LIG1: variants seen among roughly 807,000 people sequenced by gnomAD.
LIG1 encodes the protein ligase I, DNA, ATP-dependent.
LIG1 carries 70 observed loss-of-function variants against 115.7 expected under a neutral mutation model. The observed-to-expected ratio is 0.60, with a 90% CI of 0.50 to 0.74. The LOEUF (loss-of-function observed/expected upper bound fraction) is 0.74. Among genes scored for constraint, LIG1 ranks in the 30% least tolerant of loss-of-function variants. The pLI is 0.00. For synonymous variants in LIG1, 487 were observed against 495.3 expected (o/e 0.98, Z 0.22); for missense variants, 1,115 against 1,225.6 (o/e 0.91, Z 1.35).
At chr19:48,147,250 G>A (rs906375396) in intron 9 of LIG1, 4 of 152,026 alleles carry the variant, frequency 2.6e-5, no homozygotes, top group African/African-American at 7.2e-5. Flanking sequence ...CCCCTTTTCC[G>A]TTAATTTTTT....
At chr19:48,154,379 G>C in intron 5 of LIG1, 1 of 281,618 alleles carries the variant, frequency 3.6e-6, no homozygotes, top group Non-Finnish European at 7.1e-6. Flanking sequence ...ACTAGCCCCA[G>C]GAGAGGCCCT....
chr19:48,156,867 G>A lies in LIG1; in HGVS notation c.370+147C>T, dbSNP rs1217538421. ...AAGGCAGGAGAATCGTTTGAACCCG[G>A]GAGGCGGAGGTCAGTGAGCCGAGAT... On this transcript the variant is annotated intron_variant, in intron 5 of 27. Coordinates refer to ENST00000263274, the MANE Select transcript of LIG1 (RefSeq NM_000234.3). The A allele has an allele frequency of 1.3e-5, 8 of 606,058 alleles. No homozygotes were observed. The East Asian group carries it at 2.7e-4, about 21-fold the overall frequency. The allele number at this position is 606,058 out of a possible 1,614,324, so 37.5% of individuals were successfully genotyped here. A position where few individuals can be genotyped will look rare whatever the true frequency, so the allele number is the denominator to read the frequency against.
intron 25 of LIG1, chr19:48,117,983 G>A: frequency 3.2e-6 from 2 of 619,392 alleles, no homozygotes; most frequent in Non-Finnish European, 5.7e-6. Context: ...GAAAGTGAAA[G>A]AAGGGAAAAG....
chr19:48,131,054 C>A (rs534251840), intron 19 of LIG1, 22 bp downstream of exon 19: 2 of 1,599,028 alleles, frequency 1.3e-6, no homozygotes, highest in Non-Finnish European at 1.7e-6. Flanking sequence ...TGGCAGAGTG[C>A]AAGTGTGTGG....
chr19:48,132,392 C>T (rs2034082824), intron 18 of LIG1, among the ~76,000 whole-genome samples: 1 of 152,128 alleles, frequency 6.6e-6, no homozygotes. Flanking sequence ...AAAATGAACA[C>T]ACCCACCAGC....
Position 48,163,742 on chromosome 19 carries a change from G to A in LIG1, c.18-1391C>T, listed in dbSNP as rs182769390. On this transcript the variant is annotated intron_variant, in intron 2 of 27. Transcript: ENST00000263274. ...GCGGATCACGAGGTCAGGAGATCAA[G>A]ACCATCCTGGCTAACACGGTGAAAC... is the stretch of plus-strand genomic sequence containing the variant. Among the ~76,000 whole-genome samples, 267 of 152,152 alleles carry A rather than the reference G, an allele frequency of 1.8e-3. 3 individuals carry two copies. The highest frequency in any genetic ancestry group is 0.012 in the South Asian group (58 of 4,820).
chr19:48,161,025 T>G, intron 4 of LIG1: 2 of 338,414 alleles, frequency 5.9e-6, no homozygotes, highest in Non-Finnish European at 5.7e-6. Context: ...ACGTAAGCCA[T>G]TGTGCTGGGC....
chr19:48,115,788 C>T (rs752036542), intron 27 of LIG1, 56 bp from the exon 28 acceptor site: 2 of 1,581,836 alleles, frequency 1.3e-6, no homozygotes, highest in South Asian at 1.1e-5. Flanking sequence ...CTCCCACCTC[C>T]ACAAGGTTCC....
At chr19:48,148,393 T>C (rs1456953858) in intron 9 of LIG1, among the ~76,000 whole-genome samples, 1 of 151,120 alleles carries the variant, frequency 6.6e-6, no homozygotes, top group Non-Finnish European at 1.5e-5. Context: ...AAGAATCGCT[T>C]GAACCTGGGA....
intron 16 of LIG1, 24 bp downstream of exon 16, chr19:48,135,656 C>T (rs972513543): frequency 1.9e-6 from 3 of 1,593,824 alleles, no homozygotes; most frequent in South Asian, 1.1e-5. Flanking sequence ...CCCCTGGCAA[C>T]TCCACCCACT....
At chr19:48,140,181 C>A in intron 11 of LIG1, 38 bp from the exon 12 acceptor site, 1 of 1,439,736 alleles carries the variant, frequency 6.9e-7, no homozygotes, top group Non-Finnish European at 9.6e-7. Context: ...CGTGGTTCCT[C>A]AAGGTCAAAG....
chr19:48,147,660 G>C (rs939197600), intron 9 of LIG1, among the ~76,000 whole-genome samples: 3 of 147,934 alleles, frequency 2.0e-5, no homozygotes, highest in Non-Finnish European at 4.5e-5. Flanking sequence ...AAAAAAACAA[G>C]AAACAAAAAA....
intron 21 of LIG1, among the ~76,000 whole-genome samples, chr19:48,124,607 T>A (rs1211264558): frequency 1.3e-5 from 2 of 152,250 alleles, no homozygotes; most frequent in African/African-American, 4.8e-5. Flanking sequence ...TCCATGTTAA[T>A]AATTTCTTAT....
intron 19 of LIG1, 102 bp downstream of exon 19, chr19:48,130,974 C>T: frequency 1.1e-6 from 1 of 908,016 alleles, no homozygotes; most frequent in Non-Finnish European, 1.8e-6. Context: ...GATCTCCTCC[C>T]AATAAACCCC....
intron 25 of LIG1, 124 bp downstream of exon 25, chr19:48,119,013 C>T: frequency 1.3e-6 from 1 of 752,308 alleles, no homozygotes; most frequent in East Asian, 2.7e-5. Context: ...CCACTGCCTG[C>T]TGCCCTCCTG....
chr19:48,134,135 C>T (rs2034227699), intron 16 of LIG1, 69 bp from the exon 17 acceptor site: 5 of 1,409,890 alleles, frequency 3.5e-6, no homozygotes, highest in Admixed American at 2.0e-5. Flanking sequence ...AAAGAGAGCT[C>T]GGCCTGCTCC....
chr19:48,162,218 C>CT (rs775199287), intron 3 of LIG1, 44 bp downstream of exon 3: 1 of 1,545,896 alleles, frequency 6.5e-7, no homozygotes, highest in Non-Finnish European at 8.9e-7. Flanking sequence ...ACAATCCTGA[C>CT]TGCTAAAGGA....
intron 8 of LIG1, 92 bp from the exon 9 acceptor site, chr19:48,149,933 AGGGAGATG>A (rs2035360283): frequency 1.4e-5 from 21 of 1,540,624 alleles, no homozygotes; most frequent in South Asian, 3.4e-5. Context: ...CCCAGTGCTC[AGGGAGATG>A]GGAGACAGGC....
At chr19:48,162,382 G>A in intron 2 of LIG1, 31 bp from the exon 3 acceptor site, 5 of 1,495,704 alleles carry the variant, frequency 3.3e-6, no homozygotes, top group Non-Finnish European at 3.7e-6. Context: ...GTAAAAAAAG[G>A]AGAATAACAG....
Sources: gnomAD v4.1 joint callset for allele counts (sites outside exome capture counted in the v4.1 genomes callset) on GRCh38, gnomAD v4.1.1 for gene constraint, MANE v1.5 for transcripts, NCBI Gene and HGNC (gene_info 2026-07-23, HGNC 2026-07-21) for gene names.